The following LGR4 variants were observed in gnomAD, a reference collection of about 807,000 sequenced individuals.
LGR4 encodes the protein leucine-rich repeat-containing G protein-coupled receptor 4.
Under a neutral mutation model 84.8 loss-of-function variants are expected in LGR4, and 44 were observed. That is an observed-to-expected ratio of 0.52 (90% confidence interval 0.41 to 0.67). The LOEUF (loss-of-function observed/expected upper bound fraction) is 0.67, where lower values mean the gene tolerates loss of function less well. Ranked by LOEUF, LGR4 falls within the 30% of genes least tolerant of loss-of-function variation. The pLI, the probability that LGR4 is intolerant of heterozygous loss-of-function variation, is 0.00. For missense variants in LGR4, 1,032 were observed against 1,131.4 expected, an observed-to-expected ratio of 0.91 and a Z score of 1.26; for synonymous variants, 429 against 434.3, an observed-to-expected ratio of 0.99 and a Z score of 0.15.
intron 17 of LGR4, 100 bp from the exon 18 acceptor site, chr11:27,369,243 T>A (rs994850775): frequency 1.1e-6 from 1 of 928,444 alleles, no homozygotes; most frequent in Admixed American, 3.2e-5. Flanking sequence ...TATAGACTAA[T>A]TAAATCTGCT....
chr11:27,367,029 A>G lies in LGR4; in HGVS notation c.*838T>C, dbSNP rs1015406721. ...CAACGATATTAGGAAGTATTCATTA[A>G]TGAGAACATTACATGAAGCCACCAA... On this transcript the variant is annotated 3_prime_UTR_variant, in exon 18 of 18. Coordinates refer to ENST00000379214, the MANE Select transcript of LGR4 (RefSeq NM_018490.5). 6.6e-6 allele frequency: 1 copy of G among 152,220 alleles called. No individual in the cohort carries two copies. Among genetic ancestry groups the G allele is most frequent in the Non-Finnish European group, 1.5e-5 (1 of 68,024 alleles). The allele number at this position is 152,220 out of a possible 1,614,324, so 9.4% of individuals were successfully genotyped here. A position where few individuals can be genotyped will look rare whatever the true frequency, so the allele number is the denominator to read the frequency against.
intron 1 of LGR4, among the ~76,000 whole-genome samples, chr11:27,471,460 C>G (rs1380190465): frequency 1.3e-5 from 2 of 152,244 alleles, no homozygotes; most frequent in East Asian, 3.9e-4. Flanking sequence ...GTAATTCTCC[C>G]TTGTTTTCTC....
intron 12 of LGR4, 101 bp from the exon 13 acceptor site, chr11:27,376,471 T>C (rs2133365357): frequency 1.8e-6 from 1 of 542,346 alleles, no homozygotes; most frequent in South Asian, 3.7e-5. Flanking sequence ...AAAAAGTTAC[T>C]TTCTATTTTG....
intron 3 of LGR4, 74 bp downstream of exon 3, chr11:27,392,373 T>G: frequency 8.6e-7 from 1 of 1,164,320 alleles, no homozygotes. Context: ...GTGCTTAACC[T>G]AGTTCCAAGC....
intron 1 of LGR4, among the ~76,000 whole-genome samples, chr11:27,447,448 C>T (rs1284276457): frequency 1.3e-5 from 2 of 152,052 alleles, no homozygotes; most frequent in African/African-American, 4.8e-5. Flanking sequence ...AATGTCATGG[C>T]GATGTCCAGA....
intron 2 of LGR4, among the ~76,000 whole-genome samples, chr11:27,393,535 A>G (rs1422899861): frequency 6.6e-6 from 1 of 151,982 alleles, no homozygotes; most frequent in Admixed American, 6.6e-5. Context: ...TTATAATTAA[A>G]TTTTTTAATT....
intron 1 of LGR4, among the ~76,000 whole-genome samples, chr11:27,424,782 C>T (rs1422708953): frequency 6.6e-6 from 1 of 152,176 alleles, no homozygotes; most frequent in Non-Finnish European, 1.5e-5. Context: ...GAGTTTCACT[C>T]TTGTCACCCA....
chr11:27,370,957 A>G (rs559015492), intron 17 of LGR4, among the ~76,000 whole-genome samples: 1 of 152,360 alleles, frequency 6.6e-6, no homozygotes, highest in African/African-American at 2.4e-5. Flanking sequence ...TTCATAAAAT[A>G]CATACGCAGC....
intron 1 of LGR4, among the ~76,000 whole-genome samples, chr11:27,423,464 TCTCCC>T (rs1163402051): frequency 4.3e-5 from 6 of 139,618 alleles, no homozygotes; most frequent in African/African-American, 1.5e-4. Context: ...TCTCTCTCCT[TCTCCC>T]CTCTGCTCTG....
intron 7 of LGR4, 59 bp downstream of exon 7, chr11:27,382,129 A>C (rs1287589991): frequency 2.5e-5 from 27 of 1,099,060 alleles, no homozygotes; most frequent in Non-Finnish European, 3.4e-5. Flanking sequence ...CCATTGTTGG[A>C]ACATTAAATG....
chr11:27,462,869 TA>T (rs1347886730), intron 1 of LGR4, among the ~76,000 whole-genome samples: 1 of 150,622 alleles, frequency 6.6e-6, no homozygotes. Flanking sequence ...GCCAGACTCT[TA>T]AAAAAAAGAA....
chr11:27,406,094 C>T (rs905900962), intron 2 of LGR4, among the ~76,000 whole-genome samples: 3 of 152,096 alleles, frequency 2.0e-5, no homozygotes, highest in Non-Finnish European at 4.4e-5. Flanking sequence ...AGTCTGTGTC[C>T]CCATCTTTGC....
intron 2 of LGR4, among the ~76,000 whole-genome samples, chr11:27,401,191 C>T (rs537752076): frequency 6.6e-6 from 1 of 152,232 alleles, no homozygotes; most frequent in South Asian, 2.1e-4. Context: ...CATTTAAATG[C>T]ACAACAATGA....
intron 1 of LGR4, among the ~76,000 whole-genome samples, chr11:27,425,508 G>C (rs1311358913): frequency 6.6e-6 from 1 of 151,922 alleles, no homozygotes; most frequent in Non-Finnish European, 1.5e-5. Context: ...TTTTTTTGTA[G>C]AGACAGGGTC....
intron 13 of LGR4, among the ~76,000 whole-genome samples, chr11:27,375,077 T>A (rs2351684): frequency 0.99 from 149,487 of 150,996 alleles, 74,013 homozygotes; most frequent in East Asian, 1. Flanking sequence ...TGAGCTCAGG[T>A]GTTTGAGACA....
At chr11:27,424,208 C>G (rs1190719319) in intron 1 of LGR4, among the ~76,000 whole-genome samples, 1 of 152,172 alleles carries the variant, frequency 6.6e-6, no homozygotes, top group Non-Finnish European at 1.5e-5. Context: ...AATTCACTTA[C>G]ATACACACAC....
chr11:27,384,247 G>T, intron 6 of LGR4, 89 bp downstream of exon 6: 1 of 810,600 alleles, frequency 1.2e-6, no homozygotes, highest in South Asian at 1.6e-5. Flanking sequence ...CTGAACTTAA[G>T]GCCAATATTT....
At chr11:27,424,267 C>T (rs1863979115) in intron 1 of LGR4, among the ~76,000 whole-genome samples, 1 of 152,084 alleles carries the variant, frequency 6.6e-6, no homozygotes, top group Non-Finnish European at 1.5e-5. Context: ...AGGCCAAGCA[C>T]AGTGGCTCAC....
At chr11:27,445,067 G>T (rs1864366176) in intron 1 of LGR4, among the ~76,000 whole-genome samples, 1 of 152,178 alleles carries the variant, frequency 6.6e-6, no homozygotes, top group African/African-American at 2.4e-5. Context: ...CTGCCCTACA[G>T]AAGACTAAAT....
Sources: allele counts gnomAD v4.1 joint callset (sites outside exome capture counted in the v4.1 genomes callset), GRCh38; gene constraint gnomAD v4.1.1; transcripts MANE v1.5; gene names NCBI Gene and HGNC (gene_info 2026-07-23, HGNC 2026-07-21).